The following MFAP3L variants were observed in gnomAD, a reference collection of about 807,000 sequenced individuals.
MFAP3L encodes microfibril associated protein 3 like.
Under a neutral mutation model 20.0 loss-of-function variants are expected in MFAP3L, and 5 were observed. That is an observed-to-expected ratio of 0.25 (90% CI 0.13 to 0.53). MFAP3L has a LOEUF of 0.53. Among genes scored for constraint, MFAP3L ranks in the 20% least tolerant of loss-of-function variants. MFAP3L has a pLI of 0.96. For synonymous variants in MFAP3L, 219 were observed against 213.0 expected, an observed-to-expected ratio of 1.03 and a Z score of -0.25; for missense variants, 409 against 527.5, an observed-to-expected ratio of 0.78 and a Z score of 2.20.
intron 1 of MFAP3L, among the ~76,000 whole-genome samples, chr4:170,019,312 CAG>C (rs1273560347): frequency 3.3e-5 from 5 of 152,160 alleles, no homozygotes; most frequent in Non-Finnish European, 5.9e-5. Flanking sequence ...CTTTGGGAGG[CAG>C]AGTCTGGAGA....
Position 169,989,203 on chromosome 4 carries a change from C to G in MFAP3L, c.*2175G>C, listed in dbSNP as rs1406593024. 1.3e-5 allele frequency: 2 copies of G among 152,192 alleles called. No homozygotes were observed. Among genetic ancestry groups the G allele is most frequent in the East Asian group, 3.9e-4 (2 of 5,192 alleles). 9.4% of individuals were successfully genotyped at this position (152,192 alleles called of 1,614,324 possible). A position where few individuals can be genotyped will look rare whatever the true frequency, so the allele number is the denominator to read the frequency against. On this transcript the variant is annotated 3_prime_UTR_variant, in exon 3 of 3. Transcript: ENST00000361618. ...TACAATGCTAGTCCAGAAAGCCCAA[C>G]AGGAGTCATAATTTCTCCTGATTTC...
intron 2 of MFAP3L, chr4:170,002,108 C>T (rs1313495902): frequency 3.0e-6 from 3 of 985,308 alleles, no homozygotes; most frequent in Non-Finnish European, 2.4e-6. Context: ...CATGTTCCGG[C>T]ACAAATCCTA....
rs1738469124 is a variant in MFAP3L, at chr4:169,999,611, T to C, written c.298+5969A>G. On this transcript the variant is annotated intron_variant, in intron 2 of 2. Coordinates refer to ENST00000361618, the MANE Select transcript of MFAP3L (RefSeq NM_021647.8). ...TTAATCACTTCCATTTTGGGAATCTTAGCTGTCATCCATATCTGAAATGGA... is the reference window on the plus strand; with the variant it reads ...TTAATCACTTCCATTTTGGGAATCTCAGCTGTCATCCATATCTGAAATGGA... 4.6e-5 allele frequency among the ~76,000 whole-genome samples: 7 copies of C among 152,276 alleles called. No homozygotes were observed. In the South Asian group the frequency reaches 1.2e-3, roughly 27 times the overall value.
At chr4:170,005,428 C>T (rs1738965164) in intron 2 of MFAP3L, 152 bp downstream of exon 2, 3 of 874,690 alleles carry the variant, frequency 3.4e-6, no homozygotes, top group Middle Eastern at 3.6e-4. Flanking sequence ...TTCTTTGAAT[C>T]CTTAAGGATA....
chr4:170,012,100 G>A (rs943603796), intron 1 of MFAP3L, among the ~76,000 whole-genome samples: 11 of 152,164 alleles, frequency 7.2e-5, no homozygotes, highest in African/African-American at 2.7e-4. Context: ...AAGTGACAGG[G>A]CTAGTTCTGT....
intron 1 of MFAP3L, among the ~76,000 whole-genome samples, chr4:170,020,616 C>CT: frequency 9.5e-6 from 1 of 105,054 alleles, no homozygotes; most frequent in Non-Finnish European, 2.0e-5. Flanking sequence ...TGGAGCCTCC[C>CT]CCTCCCCCCT....
At chr4:170,018,349 C>T (rs1319170473) in intron 1 of MFAP3L, among the ~76,000 whole-genome samples, 8 of 152,234 alleles carry the variant, frequency 5.3e-5, no homozygotes, top group Non-Finnish European at 1.2e-4. Context: ...CTGTGCAAGG[C>T]TGTCTGGAGA....
chr4:169,995,191 A>G lies in MFAP3L; in HGVS notation c.299-2882T>C, dbSNP rs573260861. 4 of 152,290 alleles carry G rather than the reference A, an allele frequency of 2.6e-5. No homozygotes were observed. In the East Asian group the frequency reaches 7.7e-4, roughly 29 times the overall value. The allele number at this position is 152,290 out of a possible 1,614,324, so 9.4% of individuals were successfully genotyped here. A position where few individuals can be genotyped will look rare whatever the true frequency, so the allele number is the denominator to read the frequency against. On this transcript the variant is annotated intron_variant, in intron 2 of 2. Coordinates refer to ENST00000361618, the MANE Select transcript of MFAP3L (RefSeq NM_021647.8). The stretch of plus-strand genomic sequence containing the variant: ...TGAGATATGATAAAATGAGTATGTG[A>G]CCTGGATTAAAACATACTATTACCA...
At chr4:170,006,186 C>T (rs1362805002) in intron 1 of MFAP3L, among the ~76,000 whole-genome samples, 176 bp from the exon 2 acceptor site, 2 of 150,816 alleles carry the variant, frequency 1.3e-5, no homozygotes, top group African/African-American at 4.9e-5. Flanking sequence ...GATCTTGGCT[C>T]ACTGCAACCT....
Position 170,023,408 on chromosome 4 carries a change from T to C in MFAP3L, c.-134+2826A>G, listed in dbSNP as rs1178954162. Among the ~76,000 whole-genome samples, 5 of 152,310 alleles carry C rather than the reference T, an allele frequency of 3.3e-5. No homozygotes were observed. In the East Asian group the frequency reaches 9.6e-4, roughly 29 times the overall value. On this transcript the variant is annotated intron_variant, in intron 1 of 2. Coordinates refer to ENST00000361618, the MANE Select transcript of MFAP3L (RefSeq NM_021647.8). The stretch of plus-strand genomic sequence containing the variant: ...GGCAAGACCAATACATTCACAGGAC[T>C]TCTGTTTGGAGCATAACTTATAAAC...
At chr4:170,003,545 G>C (rs1738829128) in intron 2 of MFAP3L, 1 of 350,786 alleles carries the variant, frequency 2.9e-6, no homozygotes, top group Non-Finnish European at 4.0e-6. Context: ...CTACACTTTG[G>C]GATAATCCTC....
intron 2 of MFAP3L, among the ~76,000 whole-genome samples, chr4:170,004,018 G>A (rs1198322371): frequency 4.6e-5 from 7 of 152,146 alleles, no homozygotes; most frequent in African/African-American, 1.2e-4. Flanking sequence ...GTGCAGTGGC[G>A]TGATCTCTGC....
At chr4:170,001,964 C>T (rs1453671003) in intron 2 of MFAP3L, 1 of 985,326 alleles carries the variant, frequency 1.0e-6, no homozygotes, top group Non-Finnish European at 1.2e-6. Context: ...AGCTCTCTCA[C>T]CTTTTCAGCA....
At chr4:169,997,897 A>G in intron 2 of MFAP3L, 1 of 804,246 alleles carries the variant, frequency 1.2e-6, no homozygotes, top group Non-Finnish European at 1.5e-6. Flanking sequence ...TGTTGGAAGG[A>G]TGATTTGATC....
chr4:170,011,797 G>A (rs1430378595), intron 1 of MFAP3L, among the ~76,000 whole-genome samples: 1 of 152,196 alleles, frequency 6.6e-6, no homozygotes, highest in Non-Finnish European at 1.5e-5. Flanking sequence ...CACCAGACAA[G>A]AGATGGAAGT....
rs1737538675 is a variant in MFAP3L, at chr4:169,989,891, T to G, written c.*1487A>C. ...TTTTGGAAGGAGAAGATCCACAATT[T>G]GTTTAAAATGCTATTTCTCAAAACC... On this transcript the variant is annotated 3_prime_UTR_variant, in exon 3 of 3. Transcript: ENST00000361618. 6.6e-6 allele frequency: 1 copy of G among 152,252 alleles called. No individual in the cohort carries two copies. The highest frequency in any genetic ancestry group is 2.4e-5 in the African/African-American group (1 of 41,472). 9.4% of individuals were successfully genotyped at this position (152,252 alleles called of 1,614,324 possible). A position where few individuals can be genotyped will look rare whatever the true frequency, so the allele number is the denominator to read the frequency against.
At chr4:169,995,456 A>G (rs1022466490) in intron 2 of MFAP3L, among the ~76,000 whole-genome samples, 1 of 152,224 alleles carries the variant, frequency 6.6e-6, no homozygotes, top group Non-Finnish European at 1.5e-5. Context: ...TGCCACGTAC[A>G]GCTCTGAAAA....
Position 170,002,341 on chromosome 4 carries a change from T to C in MFAP3L, c.298+3239A>G, listed in dbSNP as rs1329565664. ...TCTCATCTGTATACATGAGGATTAATAACACTTCACTGTAGGGCTTATTAT... is the reference window on the plus strand; with the variant it reads ...TCTCATCTGTATACATGAGGATTAACAACACTTCACTGTAGGGCTTATTAT... On this transcript the variant is annotated intron_variant, in intron 2 of 2. Coordinates refer to ENST00000361618, the MANE Select transcript of MFAP3L (RefSeq NM_021647.8). 5.5e-6 allele frequency: 4 copies of C among 730,870 alleles called. No homozygotes were observed. The African/African-American group carries it at 5.8e-5, about 11-fold the overall frequency. 45.3% of individuals were successfully genotyped at this position (730,870 alleles called of 1,614,324 possible).
chr4:170,026,188 C>G, intron 1 of MFAP3L, 46 bp downstream of exon 1: 1 of 973,498 alleles, frequency 1.0e-6, no homozygotes, highest in Non-Finnish European at 1.2e-6. Context: ...GGGGCTGGCT[C>G]CCACCCGTGC....
Sources: gnomAD v4.1 joint callset for allele counts (sites outside exome capture counted in the v4.1 genomes callset) on GRCh38, gnomAD v4.1.1 for gene constraint, MANE v1.5 for transcripts, NCBI Gene and HGNC (gene_info 2026-07-23, HGNC 2026-07-21) for gene names.